Variants in HYDIN observed in about 807,000 individuals in gnomAD.
The protein encoded by HYDIN is axonemal central pair apparatus protein HYDIN.
In HYDIN, 132 loss-of-function variants were observed where a neutral mutation model predicts 403.9. The ratio of observed to expected loss-of-function variants is 0.33; its 90% CI spans 0.28 to 0.38. HYDIN has a LOEUF of 0.38. Ranked by LOEUF, HYDIN falls within the 10% of genes least tolerant of loss-of-function variation. The probability of loss-of-function intolerance (pLI) is 1.00; values close to 1 mark genes in which losing one functional copy is unlikely to be tolerated. For missense variants in HYDIN, 2,827 were observed against 5,009.5 expected, an observed-to-expected ratio of 0.56 and a Z score of 13.15; for synonymous variants, 1,202 against 1,891.7, an observed-to-expected ratio of 0.64 and a Z score of 9.46.
intron 6 of HYDIN, among the ~76,000 whole-genome samples, chr16:71,154,344 C>T (rs1214762354): frequency 7.1e-6 from 1 of 141,788 alleles, no homozygotes. Flanking sequence ...CAGGCATGCA[C>T]TGTGAAGTAA....
At position 70,874,811 on chromosome 16, in the gene HYDIN, A is replaced by C. The variant is rs372332225; in HGVS notation, c.10660+6T>G. On this transcript the variant is annotated splice_donor_region_variant and intron_variant, in intron 63 of 85. Coordinates refer to ENST00000393567, the MANE Select transcript of HYDIN (RefSeq NM_001270974.2). Reference sequence around the variant, plus strand: ...TGCCCTCTAGAAGCACCCTCCCCACACTTACCTTTTACATGTGGTTTATTT... The same window carrying C: ...TGCCCTCTAGAAGCACCCTCCCCACCCTTACCTTTTACATGTGGTTTATTT... 2 of 1,612,620 alleles carry C rather than the reference A, an allele frequency of 1.2e-6. No individual in the cohort carries two copies. Among genetic ancestry groups the C allele is most frequent in the African/African-American group, 2.7e-5 (2 of 74,896 alleles).
Position 71,000,823 on chromosome 16 carries a change from G to A in HYDIN, c.3645-8613C>T, listed in dbSNP as rs529511192. 8.6e-3 allele frequency among the ~76,000 whole-genome samples: 1,310 copies of A among 152,212 alleles called. 22 individuals carry two copies. The highest frequency in any genetic ancestry group is 0.03 in the African/African-American group (1,250 of 41,540). On this transcript the variant is annotated intron_variant, in intron 23 of 85. Transcript: ENST00000393567. ...GGAGGCCTGGATGATGAAGGCCCTG[G>A]GAAGGTTCTGGGGACACCAGAGATG...
At chr16:71,066,134 A>G (rs1597693023) in intron 15 of HYDIN, among the ~76,000 whole-genome samples, 1 of 151,878 alleles carries the variant, frequency 6.6e-6, no homozygotes, top group East Asian at 1.9e-4. Flanking sequence ...TTAATTTAGA[A>G]TTTCCTATCG....
intron 36 of HYDIN, among the ~76,000 whole-genome samples, chr16:70,967,177 T>C (rs1217096455): frequency 6.6e-6 from 1 of 151,884 alleles, no homozygotes; most frequent in Admixed American, 6.6e-5. Flanking sequence ...GGTGGGAGCA[T>C]GAGATGTGGA....
rs1439109421 is a variant in HYDIN, at chr16:70,837,596, G to C, written c.13242+94C>G. ...GCAGCCTGGGGCAGAGAAGCAGAGG[G>C]GCTGGAAGGGTGAAGGGGTTCTGGG... On this transcript the variant is annotated intron_variant, in intron 77 of 85. Coordinates refer to ENST00000393567, the MANE Select transcript of HYDIN (RefSeq NM_001270974.2). 10 of 1,074,436 alleles carry C rather than the reference G, an allele frequency of 9.3e-6. 1 individual carries two copies. The highest frequency in any genetic ancestry group is 4.9e-5 in the East Asian group (2 of 40,426). The allele number at this position is 1,074,436 out of a possible 1,614,324, so 66.6% of individuals were successfully genotyped here.
At chr16:71,002,052 T>G (rs867076077) in intron 23 of HYDIN, among the ~76,000 whole-genome samples, 4 of 152,234 alleles carry the variant, frequency 2.6e-5, no homozygotes, top group Admixed American at 6.5e-5. Flanking sequence ...TTAGTTGAAT[T>G]CTGTCTTTTC....
intron 1 of HYDIN, among the ~76,000 whole-genome samples, chr16:71,225,688 G>C (rs1370746401): frequency 6.6e-6 from 1 of 152,116 alleles, no homozygotes; most frequent in African/African-American, 2.4e-5. Flanking sequence ...CAGAAAGAAG[G>C]AGGAGGGGCT....
At chr16:70,810,541 G>A (rs1177809197) in intron 84 of HYDIN, among the ~76,000 whole-genome samples, 3 of 152,214 alleles carry the variant, frequency 2.0e-5, no homozygotes, top group Middle Eastern at 3.2e-3. Flanking sequence ...AAAGGATGAG[G>A]TAGAGCGGGG....
At chr16:71,079,564 G>A (rs2082719540) in intron 13 of HYDIN, among the ~76,000 whole-genome samples, 1 of 152,122 alleles carries the variant, frequency 6.6e-6, no homozygotes, top group Admixed American at 6.6e-5. Context: ...AGATGAAAGA[G>A]TTTTAGATAT....
chr16:70,955,733 GTCT>G (rs2078213951), intron 39 of HYDIN, among the ~76,000 whole-genome samples, 185 bp from the exon 40 acceptor site: 1 of 152,126 alleles, frequency 6.6e-6, no homozygotes, highest in African/African-American at 2.4e-5. Context: ...AGGGCTGTGG[GTCT>G]GATTCTAACC....
intron 10 of HYDIN, among the ~76,000 whole-genome samples, chr16:71,098,785 C>G (rs1421104800): frequency 1.4e-5 from 2 of 144,340 alleles, no homozygotes; most frequent in Non-Finnish European, 3.0e-5. Flanking sequence ...AGCAGTGAGC[C>G]AATGTTTCTT....
chr16:70,836,516 C>A (rs569618248), intron 77 of HYDIN, among the ~76,000 whole-genome samples: 4 of 152,310 alleles, frequency 2.6e-5, no homozygotes, highest in African/African-American at 9.6e-5. Flanking sequence ...TGGATTAGAA[C>A]AGTGGCAGTA....
At chr16:70,817,788 C>T (rs1268171591) in intron 84 of HYDIN, among the ~76,000 whole-genome samples, 1 of 151,992 alleles carries the variant, frequency 6.6e-6, no homozygotes, top group East Asian at 1.9e-4. Context: ...GTTGCCCAGG[C>T]TGCAGTGCAG....
At chr16:71,223,104 T>A (rs1032691940) in intron 1 of HYDIN, among the ~76,000 whole-genome samples, 1 of 152,156 alleles carries the variant, frequency 6.6e-6, no homozygotes, top group African/African-American at 2.4e-5. Context: ...CAAAACAGCA[T>A]GGTACTGGTA....
Position 70,915,324 on chromosome 16 carries a change from C to T in HYDIN, c.8004+2887G>A, listed in dbSNP as rs369093689. On this transcript the variant is annotated intron_variant, in intron 47 of 85. Coordinates refer to ENST00000393567, the MANE Select transcript of HYDIN (RefSeq NM_001270974.2). Reference sequence around the variant, plus strand: ...CTGTTGTTCAGATTCTTTTGTCCCACAGGGTGTTCCCTTGATGTAGTATGC... The same window carrying T: ...CTGTTGTTCAGATTCTTTTGTCCCATAGGGTGTTCCCTTGATGTAGTATGC... Among the ~76,000 whole-genome samples the T allele has an allele frequency of 9.6e-3, 1,463 of 152,262 alleles. 27 individuals are homozygous for T. The highest frequency in any genetic ancestry group is 0.033 in the African/African-American group (1,365 of 41,532).
intron 3 of HYDIN, among the ~76,000 whole-genome samples, chr16:71,179,838 C>T (rs1333737903): frequency 6.6e-6 from 1 of 152,178 alleles, no homozygotes; most frequent in African/African-American, 2.4e-5. Context: ...TGTTTAGCAT[C>T]CAGTAGATTT....
chr16:70,927,955 A>AC (rs2077203393), intron 45 of HYDIN, among the ~76,000 whole-genome samples: 1 of 152,034 alleles, frequency 6.6e-6, no homozygotes, highest in Non-Finnish European at 1.5e-5. Flanking sequence ...TACCTAAAAA[A>AC]AAAAAACAAA....
rs200353353 is a variant in HYDIN, at chr16:70,831,528, C to A, written c.13899+1320G>T. Among the ~76,000 whole-genome samples, 282 of 126,498 alleles carry A rather than the reference C, an allele frequency of 2.2e-3. 3 individuals are homozygous for A. The highest frequency in any genetic ancestry group is 8.2e-3 in the Middle Eastern group (2 of 244). The allele number at this position is 126,498 out of a possible 152,430, so 83.0% of individuals were successfully genotyped here. On this transcript the variant is annotated intron_variant, in intron 80 of 85. Coordinates refer to ENST00000393567, the MANE Select transcript of HYDIN (RefSeq NM_001270974.2). ...TGTCTCAGAAAAAAAAAAAAAAAAA[C>A]CAAAAAAAAAAAAAACAAGAAACAA...
chr16:70,837,800 T>C lies in HYDIN; in HGVS notation c.13132A>G (p.Ile4378Val), dbSNP rs1309296004. 3 of 1,613,984 alleles carry C rather than the reference T, an allele frequency of 1.9e-6. No homozygotes were observed. The highest frequency in any genetic ancestry group is 1.1e-5 in the South Asian group (1 of 91,070). The change falls in exon 77 of 86, where the codon ATA (isoleucine) becomes GTA (valine). Residue 4378 changes from isoleucine (I) to valine (V), a missense_variant. Transcript: ENST00000393567. ...ATACTTTCTCGAGGATAAAAAGTTA[T>C]TGGAATCTCCAATGTGTTTCCTGGC... ...VKPGNTLEIP[I>V]TFYPRESINY...
Sources: gnomAD v4.1 joint callset for allele counts (sites outside exome capture counted in the v4.1 genomes callset) on GRCh38, gnomAD v4.1.1 for gene constraint, MANE v1.5 for transcripts, NCBI Gene and HGNC (gene_info 2026-07-23, HGNC 2026-07-21) for gene names.